Variants in KCNK12 observed in about 807,000 individuals in gnomAD.
KCNK12 encodes the protein potassium two pore domain channel subfamily K member 12.
A neutral mutation model predicts 25.3 loss-of-function variants in KCNK12; 6 were observed. The observed-to-expected ratio is 0.24, with a 90% CI of 0.13 to 0.47. The LOEUF (loss-of-function observed/expected upper bound fraction) is 0.47, where lower values mean the gene tolerates loss of function less well. Ranked by LOEUF, KCNK12 falls within the 20% of genes least tolerant of loss-of-function variation. The pLI is 0.99. For missense variants in KCNK12, 444 were observed against 661.7 expected (o/e 0.67, Z 3.61); for synonymous variants, 331 against 311.1 (o/e 1.06, Z -0.67).
intron 1 of KCNK12, among the ~76,000 whole-genome samples, chr2:47,546,192 A>G (rs1351590094): frequency 6.6e-6 from 1 of 152,282 alleles, no homozygotes; most frequent in Non-Finnish European, 1.5e-5. Flanking sequence ...TTGCAAAGGC[A>G]TATCAATCTA....
At chr2:47,537,335 T>C (rs1011750789) in intron 1 of KCNK12, among the ~76,000 whole-genome samples, 17 of 137,764 alleles carry the variant, frequency 1.2e-4, no homozygotes, top group African/African-American at 4.8e-4. Context: ...TGATTTTCTT[T>C]CTTTTTTTTT....
chr2:47,512,321 C>G lies in KCNK12; in HGVS notation c.*8586G>C, dbSNP rs1668422455. 1 of 1,612,486 alleles carries G rather than the reference C, an allele frequency of 6.2e-7. No individual in the cohort carries two copies. Among genetic ancestry groups the G allele is most frequent in the African/African-American group, 1.3e-5 (1 of 74,910 alleles). On this transcript the variant is annotated 3_prime_UTR_variant, in exon 2 of 2. Coordinates refer to ENST00000327876, the MANE Select transcript of KCNK12 (RefSeq NM_022055.2). ...CTTTCAGAACCTCAGAGTGACAGAG[C>G]CAAAAGACCAGTGCCTCATTTTGCT...
rs1238400283 is a variant in KCNK12, at chr2:47,570,957, G to T, written c.-626C>A. On this transcript the variant is annotated 5_prime_UTR_variant, in exon 1 of 2. Coordinates refer to ENST00000327876, the MANE Select transcript of KCNK12 (RefSeq NM_022055.2). ...CTCCTTTCTCAGCTCCAGCCGAAGAGCCGCCCGGCAGGGAGAGGCGGAGTC... is the reference window on the plus strand; with the variant it reads ...CTCCTTTCTCAGCTCCAGCCGAAGATCCGCCCGGCAGGGAGAGGCGGAGTC... 2.6e-5 allele frequency: 4 copies of T among 152,272 alleles called. No homozygotes were observed. The highest frequency in any genetic ancestry group is 2.1e-4 in the South Asian group (1 of 4,838). 9.4% of individuals were successfully genotyped at this position (152,272 alleles called of 1,614,324 possible). A position where few individuals can be genotyped will look rare whatever the true frequency, so the allele number is the denominator to read the frequency against.
chr2:47,545,897 T>C (rs999571022), intron 1 of KCNK12, among the ~76,000 whole-genome samples: 2 of 151,096 alleles, frequency 1.3e-5, no homozygotes, highest in African/African-American at 4.9e-5. Flanking sequence ...AAGCCGAGAC[T>C]GAATTGCACT....
chr2:47,555,376 C>T lies in KCNK12; in HGVS notation c.391+14565G>A, dbSNP rs1206340107. On this transcript the variant is annotated intron_variant, in intron 1 of 1. Transcript: ENST00000327876. This position sits in a 1 kb window ranked among gnomAD's most constrained non-coding sequence, Gnocchi z 4.5. ...ATAAATTTCCCTTTGCCAAGGTGTC[C>T]TCCTTACCCTCTCTGTACTCTTAAT... Among the ~76,000 whole-genome samples, 1 of 152,176 alleles carries T rather than the reference C, an allele frequency of 6.6e-6. No individual in the cohort carries two copies. Among genetic ancestry groups the T allele is most frequent in the Non-Finnish European group, 1.5e-5 (1 of 68,026 alleles).
intron 1 of KCNK12, among the ~76,000 whole-genome samples, chr2:47,553,572 C>T (rs1353680810): frequency 6.6e-6 from 1 of 152,158 alleles, no homozygotes; most frequent in East Asian, 1.9e-4. Context: ...GAAGGTAGTT[C>T]TAGAGACTAA....
In KCNK12 at chr2:47,570,036, G is replaced by T; in HGVS notation, c.296C>A (p.Ala99Asp). 1 of 1,419,764 alleles carries T rather than the reference G, an allele frequency of 7.0e-7. No individual in the cohort carries two copies. Among genetic ancestry groups the T allele is most frequent in the Non-Finnish European group, 9.2e-7 (1 of 1,087,162 alleles). The allele number at this position is 1,419,764 out of a possible 1,614,324, so 87.9% of individuals were successfully genotyped here. A position where few individuals can be genotyped will look rare whatever the true frequency, so the allele number is the denominator to read the frequency against. ...GGCGCGGACGCCGGCGGCCAGCGCG[G>T]CCTCGTAGTGCCGGAGGAAGGCGCG... ...ELRAFLRHYEAALAAGVRADA... is the reference protein window; with the variant it reads ...ELRAFLRHYEDALAAGVRADA... Residue 99 changes from alanine (A) to aspartate (D), a missense_variant, in exon 1 of 2, where the codon GCC (alanine) becomes GAC (aspartate). This residue lies in a region of KCNK12 where 106 missense variants were observed against 142.2 expected (regional missense o/e 0.75). Coordinates refer to ENST00000327876, the MANE Select transcript of KCNK12 (RefSeq NM_022055.2).
At position 47,562,158 on chromosome 2, in the gene KCNK12, C is replaced by A. The variant is rs554013189; in HGVS notation, c.391+7783G>T. 1.0e-5 allele frequency: 4 copies of A among 398,644 alleles called. No homozygotes were observed. The South Asian group carries it at 5.1e-4, about 51-fold the overall frequency. 24.7% of individuals were successfully genotyped at this position (398,644 alleles called of 1,614,324 possible). On this transcript the variant is annotated intron_variant, in intron 1 of 1. Transcript: ENST00000327876. The surrounding 1 kb of genome is among the most constrained non-coding windows in gnomAD (Gnocchi z 4.8). ...GAATGCAGACTGTCAGGTCCCACCCCAGACCTACTCAACAGAAACTACTTG... is the reference window on the plus strand; with the variant it reads ...GAATGCAGACTGTCAGGTCCCACCCAAGACCTACTCAACAGAAACTACTTG...
At chr2:47,524,321 A>G (rs761092651) in intron 1 of KCNK12, among the ~76,000 whole-genome samples, 3 of 152,236 alleles carry the variant, frequency 2.0e-5, no homozygotes, top group Non-Finnish European at 4.4e-5. Flanking sequence ...CTAAATGTCT[A>G]ACAACACAAC....
In KCNK12 at chr2:47,551,621, T is replaced by A. The variant is rs1669432297; in HGVS notation, c.391+18320A>T. ...GGATGCCAAATTAGAATACAGGGCC[T>A]GCTAACTGTTCTGGAAAGTATGACG... On this transcript the variant is annotated intron_variant, in intron 1 of 1. Transcript: ENST00000327876. The surrounding 1 kb of genome is among the most constrained non-coding windows in gnomAD (Gnocchi z 5.3). Among the ~76,000 whole-genome samples, 1 of 152,216 alleles carries A rather than the reference T, an allele frequency of 6.6e-6. No individual in the cohort carries two copies. Among genetic ancestry groups the A allele is most frequent in the Admixed American group, 6.5e-5 (1 of 15,290 alleles).
chr2:47,544,882 A>C (rs1300031029), intron 1 of KCNK12, among the ~76,000 whole-genome samples: 1 of 152,138 alleles, frequency 6.6e-6, no homozygotes, highest in Admixed American at 6.6e-5. Context: ...ACAAAAACAA[A>C]ACCCAAAATT....
intron 1 of KCNK12, among the ~76,000 whole-genome samples, chr2:47,549,344 C>G (rs1669377116): frequency 1.3e-5 from 2 of 152,144 alleles, no homozygotes; most frequent in African/African-American, 4.8e-5. Context: ...TCTGGCAGAA[C>G]AAAGTCCAAC....
rs1052495922 is a variant in KCNK12 at position 47,526,053 on chromosome 2, G to A, written c.392-4245C>T. ...AATTTGAAGATTTGATTAAACAACTGAGAACGAGTCTCAATCTTAAAACTG... is the reference window on the plus strand; with the variant it reads ...AATTTGAAGATTTGATTAAACAACTAAGAACGAGTCTCAATCTTAAAACTG... On this transcript the variant is annotated intron_variant, in intron 1 of 1. Transcript: ENST00000327876. Among the ~76,000 whole-genome samples the A allele has an allele frequency of 2.6e-5, 4 of 152,090 alleles. No homozygotes were observed. In the East Asian group the frequency reaches 7.7e-4, roughly 29 times the overall value.
intron 1 of KCNK12, among the ~76,000 whole-genome samples, chr2:47,531,782 T>G (rs1668935811): frequency 6.6e-6 from 1 of 152,170 alleles, no homozygotes; most frequent in Non-Finnish European, 1.5e-5. Context: ...AGGCAGCACA[T>G]AGGCCACATC....
chr2:47,524,552 A>T (rs953881176), intron 1 of KCNK12, among the ~76,000 whole-genome samples: 1 of 152,198 alleles, frequency 6.6e-6, no homozygotes, highest in Non-Finnish European at 1.5e-5. Context: ...TAAAATTATA[A>T]GGGAAAGCAA....
rs1669341403 is a variant in KCNK12, at chr2:47,547,630, T to TGC, written c.391+22310_391+22311insGC. On this transcript the variant is annotated intron_variant, in intron 1 of 1. Transcript: ENST00000327876. This position sits in a 1 kb window ranked among gnomAD's most constrained non-coding sequence, Gnocchi z 5.0. ...TATTTACTTTTGAGATGGAGTCTCA[T>TGC]TCTGTCACCCAGGCTGGAGTGCAGT... 6.6e-6 allele frequency among the ~76,000 whole-genome samples: 1 copy of TGC among 151,816 alleles called. No homozygotes were observed. Among genetic ancestry groups the TGC allele is most frequent in the African/African-American group, 2.4e-5 (1 of 41,306 alleles).
intron 1 of KCNK12, among the ~76,000 whole-genome samples, chr2:47,553,500 G>T (rs1669483620): frequency 6.6e-6 from 1 of 152,144 alleles, no homozygotes. Flanking sequence ...GTTGATAATG[G>T]CCTGATTTAA....
At position 47,570,374 on chromosome 2, in the gene KCNK12, C is replaced by T. The variant is rs1669867879; in HGVS notation, c.-43G>A. 2 of 1,214,110 alleles carry T rather than the reference C, an allele frequency of 1.6e-6. No individual in the cohort carries two copies. The highest frequency in any genetic ancestry group is 3.8e-5 in the South Asian group (1 of 26,178). 75.2% of individuals were successfully genotyped at this position (1,214,110 alleles called of 1,614,324 possible). On this transcript the variant is annotated 5_prime_UTR_variant, in exon 1 of 2. Coordinates refer to ENST00000327876, the MANE Select transcript of KCNK12 (RefSeq NM_022055.2). ...CGGGGCCGGGGCGGCGCTCGGGGCC[C>T]GGGCCACGACATCCCCCCGGCGGGA...
At chr2:47,531,471 TA>T (rs575607120) in intron 1 of KCNK12, among the ~76,000 whole-genome samples, 320 of 140,246 alleles carry the variant, frequency 2.3e-3, no homozygotes, top group Middle Eastern at 3.6e-3. Flanking sequence ...AGACCCTGTT[TA>T]AAAAAAAAAA....
Sources: allele counts gnomAD v4.1 joint callset (sites outside exome capture counted in the v4.1 genomes callset), GRCh38; gene constraint gnomAD v4.1.1; regional missense constraint gnomAD v4.1.1; non-coding constraint Gnocchi (gnomAD v3.1); transcripts MANE v1.5; gene names NCBI Gene and HGNC (gene_info 2026-07-23, HGNC 2026-07-21).